Variants in GCN1 observed in about 807,000 individuals in gnomAD.
GCN1 encodes the protein GCN1 activator of EIF2AK4, also known as stalled ribosome sensor GCN1.
In GCN1, 90 loss-of-function variants were observed where a neutral mutation model predicts 288.4. The observed-to-expected ratio is 0.31, with a 90% CI of 0.26 to 0.37. GCN1 has a LOEUF of 0.37. Among genes scored for constraint, GCN1 ranks in the 10% least tolerant of loss-of-function variants. GCN1 has a pLI of 1.00. For missense variants in GCN1, 2,586 were observed against 3,419.9 expected (o/e 0.76, Z 6.08); for synonymous variants, 1,386 against 1,420.2 (o/e 0.98, Z 0.54).
At chr12:120,180,576 G>C (rs1252406761) in intron 5 of GCN1, among the ~76,000 whole-genome samples, 1 of 151,986 alleles carries the variant, frequency 6.6e-6, no homozygotes, top group African/African-American at 2.4e-5. Context: ...CTGCACTCCA[G>C]CCTGGTGACA....
chr12:120,173,057 CTTTTTT>C (rs963596285), intron 14 of GCN1, among the ~76,000 whole-genome samples: 1 of 130,316 alleles, frequency 7.7e-6, no homozygotes, highest in African/African-American at 2.9e-5. Flanking sequence ...TTAAACCAGT[CTTTTTT>C]TTTTTTTTTT....
At chr12:120,180,167 G>A (rs1247721348) in intron 5 of GCN1, among the ~76,000 whole-genome samples, 1 of 152,136 alleles carries the variant, frequency 6.6e-6, no homozygotes, top group Admixed American at 6.5e-5. Flanking sequence ...TTAGCTGGGT[G>A]TGGTGGCGCA....
At chr12:120,179,171 T>C (rs757913101) in intron 5 of GCN1, among the ~76,000 whole-genome samples, 4 of 152,166 alleles carry the variant, frequency 2.6e-5, no homozygotes, top group Non-Finnish European at 4.4e-5. Context: ...TTAATAAATA[T>C]TTGGTGATCA....
At chr12:120,173,125 T>A (rs1242907314) in intron 14 of GCN1, among the ~76,000 whole-genome samples, 5 of 147,330 alleles carry the variant, frequency 3.4e-5, no homozygotes, top group African/African-American at 1.3e-4. Flanking sequence ...AATGGCGCAA[T>A]CTCGGCTCAC....
At chr12:120,167,191 A>C (rs1392547237) in intron 16 of GCN1, among the ~76,000 whole-genome samples, 4 of 151,670 alleles carry the variant, frequency 2.6e-5, no homozygotes, top group Admixed American at 1.3e-4. Flanking sequence ...AAAAAAAAAA[A>C]CAAAAACAAA....
chr12:120,155,121 C>T lies in GCN1; in HGVS notation c.3631-81G>A. The T allele has an allele frequency of 6.6e-7, 1 of 1,515,760 alleles. No homozygotes were observed. 93.9% of individuals were successfully genotyped at this position (1,515,760 alleles called of 1,614,324 possible). On this transcript the variant is annotated intron_variant, in intron 30 of 57. Coordinates refer to ENST00000300648, the MANE Select transcript of GCN1 (RefSeq NM_006836.2). The surrounding 1 kb of genome is among the most constrained non-coding windows in gnomAD (Gnocchi z 4.9). ...CCAGGATTGTGAGGCAGGAAACTAG[C>T]CGCAGCTACCCTGAGCCACCGTGAG...
rs1878400247 is a variant in GCN1 at position 120,174,223 on chromosome 12, A to G, written c.1094-54T>C. The stretch of plus-strand genomic sequence containing the variant: ...TTATCAGCACAGAACCACAGAGGCA[A>G]GTCTTCCCACTGCTGCCACCTCCGC... On this transcript the variant is annotated intron_variant, in intron 12 of 57. Transcript: ENST00000300648. 4 of 1,033,176 alleles carry G rather than the reference A, an allele frequency of 3.9e-6. No homozygotes were observed. The East Asian group carries it at 9.5e-5, about 25-fold the overall frequency. The allele number at this position is 1,033,176 out of a possible 1,614,324, so 64.0% of individuals were successfully genotyped here.
intron 4 of GCN1, 34 bp downstream of exon 4, chr12:120,184,078 C>A (rs1414489439): frequency 1.9e-6 from 3 of 1,593,434 alleles, no homozygotes; most frequent in East Asian, 4.5e-5. Context: ...AGGACTGTAC[C>A]AATTCTCAGG....
rs775264475 is a variant in GCN1, at chr12:120,149,934, C to T, written c.4419G>A (p.Gln1473=). Residue 1473 remains glutamine (Q), a synonymous_variant, in exon 35 of 58, where the codon CAG becomes CAA. Coordinates refer to ENST00000300648, the MANE Select transcript of GCN1 (RefSeq NM_006836.2). ...HLLLCFGDGN[Q]YVREAADDCA... ...TCCGGGGACTTACCTCACGCACATA[C>T]TGGTTTCCATCCCCAAAGCACAGGA... 8.7e-6 allele frequency: 14 copies of T among 1,614,216 alleles called. No homozygotes were observed. Among genetic ancestry groups the T allele is most frequent in the Non-Finnish European group, 1.2e-5 (14 of 1,180,042 alleles).
At chr12:120,147,647 A>G (rs1877404973) in intron 37 of GCN1, among the ~76,000 whole-genome samples, 1 of 152,232 alleles carries the variant, frequency 6.6e-6, no homozygotes, top group African/African-American at 2.4e-5. Flanking sequence ...CTATAGCTTT[A>G]TAAATTTTGT....
intron 24 of GCN1, among the ~76,000 whole-genome samples, chr12:120,159,121 G>A (rs1342536069): frequency 6.6e-6 from 1 of 152,132 alleles, no homozygotes; most frequent in Non-Finnish European, 1.5e-5. Flanking sequence ...TTGCCCTTTG[G>A]ACATTTAAGA....
At chr12:120,154,560 G>A (rs373529682) in intron 31 of GCN1, among the ~76,000 whole-genome samples, 4 of 152,368 alleles carry the variant, frequency 2.6e-5, no homozygotes, top group African/African-American at 9.6e-5. Context: ...GTGGAGAAAG[G>A]CTGGTAGCTT....
Position 120,156,346 on chromosome 12 carries a change from T to C in GCN1, c.3312+115A>G, listed in dbSNP as rs1662535689. On this transcript the variant is annotated intron_variant, in intron 28 of 57. Coordinates refer to ENST00000300648, the MANE Select transcript of GCN1 (RefSeq NM_006836.2). This position sits in a 1 kb window ranked among gnomAD's most constrained non-coding sequence, Gnocchi z 5.8. ...ACCCCAACCATGTGACTTCTTCTCT[T>C]TGCCTCTAGGCCTCCCACCAGAGTG... 1.0e-6 allele frequency: 1 copy of C among 998,676 alleles called. No homozygotes were observed. The highest frequency in any genetic ancestry group is 1.5e-6 in the Non-Finnish European group (1 of 664,372). 61.9% of individuals were successfully genotyped at this position (998,676 alleles called of 1,614,324 possible). A position where few individuals can be genotyped will look rare whatever the true frequency, so the allele number is the denominator to read the frequency against.
chr12:120,160,790 C>T (rs1044504024), intron 22 of GCN1, among the ~76,000 whole-genome samples: 1 of 152,188 alleles, frequency 6.6e-6, no homozygotes, highest in South Asian at 2.1e-4. Context: ...AGTCCCTGCC[C>T]TCACGGAGCT....
At chr12:120,146,990 C>A in intron 38 of GCN1, 62 bp downstream of exon 38, 1 of 1,012,726 alleles carries the variant, frequency 9.9e-7, no homozygotes, top group South Asian at 2.3e-5. Flanking sequence ...GACTCTGCAC[C>A]TCTGACTCTG....
intron 16 of GCN1, among the ~76,000 whole-genome samples, chr12:120,165,242 A>G (rs57546423): frequency 0.2 from 31,026 of 151,716 alleles, 3,757 homozygotes; most frequent in East Asian, 0.56. Flanking sequence ...TCACCATGTT[A>G]GCCAGGATGG....
chr12:120,151,489 G>T, intron 33 of GCN1, 98 bp from the exon 34 acceptor site: 2 of 1,283,170 alleles, frequency 1.6e-6, no homozygotes, highest in East Asian at 2.4e-5. Context: ...ACCACTAGAT[G>T]TCCCAAGCCC....
chr12:120,170,568 G>A (rs967321123), intron 14 of GCN1, among the ~76,000 whole-genome samples: 2 of 152,152 alleles, frequency 1.3e-5, no homozygotes, highest in Non-Finnish European at 2.9e-5. Context: ...CAGCACTTTG[G>A]GAGGCCGAGG....
In GCN1 at chr12:120,152,387, G is replaced by A. The variant is rs1052395809; in HGVS notation, c.4062+826C>T. Among the ~76,000 whole-genome samples the A allele has an allele frequency of 4.7e-3, 541 of 116,170 alleles. 6 individuals are homozygous for A. The highest frequency in any genetic ancestry group is 0.017 in the African/African-American group (482 of 27,964). The allele number at this position is 116,170 out of a possible 152,430, so 76.2% of individuals were successfully genotyped here. On this transcript the variant is annotated intron_variant, in intron 33 of 57. Transcript: ENST00000300648. ...TCCAAAATGCAAACCACACACACAC[G>A]CGCACACACACACACACACACACAA...
Sources: gnomAD v4.1 joint callset for allele counts (sites outside exome capture counted in the v4.1 genomes callset) on GRCh38, gnomAD v4.1.1 for gene constraint, Gnocchi (gnomAD v3.1) non-coding constraint, MANE v1.5 for transcripts, NCBI Gene and HGNC (gene_info 2026-07-23, HGNC 2026-07-21) for gene names.